Variants in PLCE1 observed in about 807,000 individuals in gnomAD.
PLCE1 encodes 1-phosphatidylinositol 4,5-bisphosphate phosphodiesterase epsilon-1.
In PLCE1, 119 loss-of-function variants were observed where a neutral mutation model predicts 242.8. The observed-to-expected ratio is 0.49, with a 90% confidence interval of 0.42 to 0.57. PLCE1 has a LOEUF of 0.57. Among genes scored for constraint, PLCE1 ranks in the 20% least tolerant of loss-of-function variants. The pLI, the probability that PLCE1 is intolerant of heterozygous loss-of-function variation, is 0.00. For synonymous variants in PLCE1, 945 were observed against 1,017.4 expected, an observed-to-expected ratio of 0.93 and a Z score of 1.35; for missense variants, 2,441 against 2,788.8, an observed-to-expected ratio of 0.88 and a Z score of 2.81.
chr10:94,191,309 C>T (rs1490011081), intron 4 of PLCE1, among the ~76,000 whole-genome samples: 2 of 152,018 alleles, frequency 1.3e-5, no homozygotes, highest in African/African-American at 2.4e-5. Context: ...ACCCCCCCTG[C>T]CCCAAACAGA....
chr10:94,165,714 C>CT (rs562102933), intron 3 of PLCE1, among the ~76,000 whole-genome samples: 6,152 of 147,142 alleles, frequency 0.042, 194 homozygotes, highest in East Asian at 0.1. Context: ...TCGTTTTGAT[C>CT]TTTTTTTTTT....
Position 94,138,086 on chromosome 10 carries a change from G to A in PLCE1, c.1492+5627G>A, listed in dbSNP as rs1323959987. ...TCGTCAGTTGTCTGTGGGCGGCTCT[G>A]TGGCAAGTTCTGTGAAACTTAATGA... On this transcript the variant is annotated intron_variant, in intron 3 of 32. Transcript: ENST00000371380. The A allele has an allele frequency of 3.6e-5, 13 of 357,188 alleles. No individual in the cohort carries two copies. In the Admixed American group the frequency reaches 3.9e-4, roughly 11 times the overall value. The allele number at this position is 357,188 out of a possible 1,614,324, so 22.1% of individuals were successfully genotyped here. A position where few individuals can be genotyped will look rare whatever the true frequency, so the allele number is the denominator to read the frequency against.
At chr10:94,051,722 A>C (rs1182828254) in intron 2 of PLCE1, among the ~76,000 whole-genome samples, 1 of 152,220 alleles carries the variant, frequency 6.6e-6, no homozygotes, top group Non-Finnish European at 1.5e-5. Flanking sequence ...AAACCTGCTA[A>C]ACATCAGTAT....
intron 22 of PLCE1, among the ~76,000 whole-genome samples, chr10:94,285,379 G>A (rs539966972): frequency 6.6e-6 from 1 of 152,268 alleles, no homozygotes; most frequent in East Asian, 1.9e-4. Context: ...TTTGCCCCAA[G>A]TTTCAGAGTA....
chr10:94,025,958 C>G (rs1056064678), intron 1 of PLCE1, among the ~76,000 whole-genome samples: 2 of 152,190 alleles, frequency 1.3e-5, no homozygotes, highest in African/African-American at 2.4e-5. Context: ...TACCACTTTT[C>G]AGCTCTACTA....
intron 4 of PLCE1, among the ~76,000 whole-genome samples, chr10:94,175,945 T>C (rs2048113879): frequency 6.6e-6 from 1 of 152,246 alleles, no homozygotes; most frequent in African/African-American, 2.4e-5. Context: ...TGCTACATTT[T>C]CTTATCTATT....
At chr10:94,134,146 G>A (rs530313968) in intron 3 of PLCE1, among the ~76,000 whole-genome samples, 1 of 151,604 alleles carries the variant, frequency 6.6e-6, no homozygotes, top group South Asian at 2.1e-4. Flanking sequence ...TGTCACCCAG[G>A]CCGGAGTGCA....
intron 2 of PLCE1, among the ~76,000 whole-genome samples, chr10:94,064,371 C>A (rs1049924851): frequency 2.6e-5 from 4 of 152,008 alleles, no homozygotes; most frequent in African/African-American, 9.7e-5. Context: ...GGCAACATGG[C>A]AAAACCCTGT....
rs147763244 is a variant in PLCE1, at chr10:94,326,087, G to C, written c.*24+983G>C. The stretch of plus-strand genomic sequence containing the variant: ...AACCAGTGGTAAGTCTCTCCTTTTC[G>C]CTTAGTTTCCTAATGAACCTAAGGG... On this transcript the variant is annotated intron_variant, in intron 32 of 32. Transcript: ENST00000371380. 2.7e-4 allele frequency among the ~76,000 whole-genome samples: 41 copies of C among 152,122 alleles called. No individual in the cohort carries two copies. The East Asian group carries it at 7.2e-3, about 27-fold the overall frequency.
chr10:94,004,446 A>T (rs2060996975), intron 1 of PLCE1, among the ~76,000 whole-genome samples: 1 of 152,240 alleles, frequency 6.6e-6, no homozygotes, highest in Non-Finnish European at 1.5e-5. Context: ...AAATGAAAAG[A>T]GAAAGCAGAT....
rs553821766 is a variant in PLCE1 at position 94,203,796 on chromosome 10, C to T, written c.1810-23510C>T. Among the ~76,000 whole-genome samples, 179 of 152,290 alleles carry T rather than the reference C, an allele frequency of 1.2e-3. 1 individual carries two copies. The highest frequency in any genetic ancestry group is 1.9e-3 in the South Asian group (9 of 4,822). ...AGGCCACAGACCTGGCTTCCCTTCC[C>T]AAGAGGAGGACATAAAGGAAAGCAT... On this transcript the variant is annotated intron_variant, in intron 4 of 32. Transcript: ENST00000371380.
At chr10:94,284,758 C>G in intron 21 of PLCE1, 90 bp from the exon 22 acceptor site, 1 of 785,118 alleles carries the variant, frequency 1.3e-6, no homozygotes, top group Non-Finnish European at 2.3e-6. Flanking sequence ...AGTAATAACA[C>G]CAGAGGAGGA....
At chr10:94,078,804 G>A (rs751651454) in intron 2 of PLCE1, among the ~76,000 whole-genome samples, 2 of 152,130 alleles carry the variant, frequency 1.3e-5, no homozygotes, top group Non-Finnish European at 2.9e-5. Flanking sequence ...TAAAAGATTG[G>A]CAATAGCTAC....
intron 3 of PLCE1, chr10:94,137,861 C>G (rs767834680): frequency 3.7e-6 from 1 of 266,844 alleles, no homozygotes; most frequent in African/African-American, 2.3e-5. Context: ...TAATTTGCTG[C>G]TCAACTACAG....
intron 9 of PLCE1, 121 bp downstream of exon 9, chr10:94,252,619 G>A: frequency 1.2e-6 from 1 of 847,600 alleles, no homozygotes; most frequent in Non-Finnish European, 1.9e-6. Context: ...TAAAATAGAA[G>A]ATACAAGGGC....
chr10:94,031,670 A>C lies in PLCE1; in HGVS notation c.624A>C (p.Leu208Phe). ...SDTFCTLSEN[L>F]ILDDCGNCVP... The stretch of plus-strand genomic sequence containing the variant: ...CTTTCTGTACCCTATCAGAAAACTT[A>C]ATTTTAGACGATTGTGGAAATTGTG... The change falls in exon 2 of 33, where the codon TTA becomes TTC. Residue 208 changes from leucine (L) to phenylalanine (F), a missense_variant. Physicochemically the swap from Leu to Phe is conservative, Grantham distance 22. Around this residue, in one of 5 missense-constraint regions of PLCE1, gnomAD observed 393 missense variants for 378.5 expected, o/e 1.04. Coordinates refer to ENST00000371380, the MANE Select transcript of PLCE1 (RefSeq NM_016341.4). The C allele has an allele frequency of 6.2e-7, 1 of 1,613,856 alleles. No individual in the cohort carries two copies. Among genetic ancestry groups the C allele is most frequent in the Non-Finnish European group, 8.5e-7 (1 of 1,179,868 alleles).
At chr10:94,185,202 C>A (rs1234400256) in intron 4 of PLCE1, among the ~76,000 whole-genome samples, 1 of 152,142 alleles carries the variant, frequency 6.6e-6, no homozygotes, top group Non-Finnish European at 1.5e-5. Flanking sequence ...ATAATTCCAT[C>A]ATTAAGTTTG....
chr10:94,229,628 G>A (rs1012848662), intron 5 of PLCE1, among the ~76,000 whole-genome samples: 2 of 152,282 alleles, frequency 1.3e-5, no homozygotes, highest in African/African-American at 2.4e-5. Context: ...TTACAGGAAC[G>A]GCCTCAGAGT....
intron 8 of PLCE1, among the ~76,000 whole-genome samples, chr10:94,249,720 C>T (rs2050808404): frequency 1.3e-5 from 2 of 152,082 alleles, no homozygotes; most frequent in South Asian, 4.1e-4. Context: ...TAGAAAAATA[C>T]AGGAAAATCC....
Sources: allele counts gnomAD v4.1 joint callset (sites outside exome capture counted in the v4.1 genomes callset), GRCh38; gene constraint gnomAD v4.1.1; regional missense constraint gnomAD v4.1.1; transcripts MANE v1.5; gene names NCBI Gene and HGNC (gene_info 2026-07-23, HGNC 2026-07-21).